INO80: variants seen among roughly 807,000 people sequenced by gnomAD.
INO80 encodes the protein chromatin-remodeling ATPase INO80.
In INO80, 20 loss-of-function variants were observed where a neutral mutation model predicts 203.4. That is an observed-to-expected ratio of 0.10 (90% CI 0.07 to 0.14). INO80 has a LOEUF of 0.14. Ranked by LOEUF, INO80 falls within the 10% of genes least tolerant of loss-of-function variation. The probability of loss-of-function intolerance (pLI) is 1.00; values close to 1 mark genes in which losing one functional copy is unlikely to be tolerated. For synonymous variants in INO80, 726 were observed against 685.2 expected (o/e 1.06, Z -0.93); for missense variants, 1,419 against 1,914.4 (o/e 0.74, Z 4.83).
At chr15:41,058,910 T>G in intron 15 of INO80, 129 bp from the exon 16 acceptor site, 3 of 788,942 alleles carry the variant, frequency 3.8e-6, no homozygotes, top group Non-Finnish European at 6.0e-6. Flanking sequence ...TCCCATATGG[T>G]AGGGAGATGT....
At position 41,072,013 on chromosome 15, in the gene INO80, G is replaced by A. The variant is rs2045326768; in HGVS notation, c.1441C>T (p.Leu481=). Reference sequence around the variant, plus strand: ...GTGCCAGACTTGTTTGCTGCCCGTAGGGCAGCTGCTCGACTTTCTTTTGCA... The same window carrying A: ...GTGCCAGACTTGTTTGCTGCCCGTAAGGCAGCTGCTCGACTTTCTTTTGCA... The part of the protein sequence containing the change: ...EDAKESRAAA[L]RAANKSGTGF... The change falls in exon 12 of 36, where the codon CTA becomes TTA. Residue 481 remains leucine, a synonymous_variant. Transcript: ENST00000648947. 11 of 1,608,814 alleles carry A rather than the reference G, an allele frequency of 6.8e-6. No homozygotes were observed. The highest frequency in any genetic ancestry group is 9.3e-6 in the Non-Finnish European group (11 of 1,178,682).
chr15:40,994,871 AACTGTTCCAGGT>A (rs2043861467), intron 29 of INO80, among the ~76,000 whole-genome samples: 1 of 152,058 alleles, frequency 6.6e-6, no homozygotes, highest in South Asian at 2.1e-4. Context: ...CAAATGAACA[AACTGTTCCAGGT>A]ACTAGAAATA....
intron 20 of INO80, 71 bp downstream of exon 20, chr15:41,049,864 C>T (rs1404847988): frequency 3.6e-6 from 5 of 1,404,106 alleles, no homozygotes; most frequent in Non-Finnish European, 4.9e-6. Flanking sequence ...CCAGCCTGGG[C>T]AACAGAGCAA....
chr15:40,988,100 A>G (rs1473076803), intron 29 of INO80, 126 bp from the exon 30 acceptor site: 2 of 697,900 alleles, frequency 2.9e-6, no homozygotes, highest in Non-Finnish European at 4.8e-6. Context: ...TATGATATTG[A>G]GCTAAGTAAG....
chr15:41,031,696 G>A (rs1383262976), intron 24 of INO80, among the ~76,000 whole-genome samples: 1 of 150,726 alleles, frequency 6.6e-6, no homozygotes, highest in African/African-American at 2.4e-5. Context: ...TTTTCACGTG[G>A]TCACAGCTTT....
Position 41,049,304 on chromosome 15 carries a change from G to A in INO80, c.2559C>T (p.Phe853=), listed in dbSNP as rs772156333. 2 of 1,612,624 alleles carry A rather than the reference G, an allele frequency of 1.2e-6. No homozygotes were observed. The highest frequency in any genetic ancestry group is 1.1e-5 in the South Asian group (1 of 90,828). ...TTCCCTACCTGTCTCGTGAATGATT[G>A]AAGACCCTGATCTGTCCATGACGGT... ...FIYRHGQIRV[F]NHSRDRWLRV... The change falls in exon 21 of 36, where the codon TTC becomes TTT. Residue 853 remains phenylalanine, a synonymous_variant. Coordinates refer to ENST00000648947, the MANE Select transcript of INO80 (RefSeq NM_017553.3).
chr15:41,023,819 A>G (rs2412593), intron 25 of INO80, among the ~76,000 whole-genome samples: 1 of 150,394 alleles, frequency 6.6e-6, no homozygotes, highest in Non-Finnish European at 1.5e-5. Flanking sequence ...AAAAAAAACA[A>G]CAAAAAAACC....
intron 27 of INO80, among the ~76,000 whole-genome samples, chr15:41,007,661 G>A (rs1332793136): frequency 6.6e-6 from 1 of 151,306 alleles, no homozygotes; most frequent in Admixed American, 6.6e-5. Context: ...GGCAACAGAA[G>A]TGAATTATTC....
At chr15:41,056,155 A>C (rs2044981537) in intron 17 of INO80, among the ~76,000 whole-genome samples, 1 of 151,968 alleles carries the variant, frequency 6.6e-6, no homozygotes, top group South Asian at 2.1e-4. Flanking sequence ...CACGTTGCCC[A>C]GGCTGGTCTT....
intron 28 of INO80, among the ~76,000 whole-genome samples, chr15:40,999,059 A>G (rs1427624847): frequency 2.0e-5 from 3 of 151,800 alleles, no homozygotes; most frequent in Non-Finnish European, 4.4e-5. Flanking sequence ...GGCATTAAGA[A>G]ATTAATTAAA....
At chr15:40,981,422 T>G (rs1036085418) in intron 35 of INO80, among the ~76,000 whole-genome samples, 1 of 152,172 alleles carries the variant, frequency 6.6e-6, no homozygotes, top group Non-Finnish European at 1.5e-5. Context: ...AAGGATGTGG[T>G]AAGTTGGCAA....
At chr15:41,046,781 C>A (rs1334618491) in intron 23 of INO80, among the ~76,000 whole-genome samples, 1 of 151,760 alleles carries the variant, frequency 6.6e-6, no homozygotes, top group Non-Finnish European at 1.5e-5. Flanking sequence ...CCACACCCAG[C>A]TAATTTTTGT....
chr15:41,035,965 C>T (rs1381479967), intron 24 of INO80, among the ~76,000 whole-genome samples: 1 of 150,586 alleles, frequency 6.6e-6, no homozygotes, highest in Non-Finnish European at 1.5e-5. Context: ...CCCATCTCTG[C>T]TTTAAAAACA....
In INO80 at chr15:41,005,815, G is replaced by C. The variant is rs575533343; in HGVS notation, c.3403-128C>G. 4.9e-5 allele frequency: 26 copies of C among 530,070 alleles called. No individual in the cohort carries two copies. The African/African-American group carries it at 5.1e-4, about 10-fold the overall frequency. The allele number at this position is 530,070 out of a possible 1,614,324, so 32.8% of individuals were successfully genotyped here. On this transcript the variant is annotated intron_variant, in intron 27 of 35. Coordinates refer to ENST00000648947, the MANE Select transcript of INO80 (RefSeq NM_017553.3). ...AGCCATTATAACCAGAATGGGGAGA[G>C]AGTAACCCCAAGAGTACAAGAAGTT...
intron 12 of INO80, among the ~76,000 whole-genome samples, chr15:41,070,820 G>A (rs983830292): frequency 5.3e-5 from 8 of 152,098 alleles, no homozygotes; most frequent in Non-Finnish European, 1.2e-4. Flanking sequence ...GTCCATATAA[G>A]ACAAACCATA....
intron 1 of INO80, among the ~76,000 whole-genome samples, chr15:41,098,338 C>T (rs2045755764): frequency 6.6e-6 from 1 of 152,072 alleles, no homozygotes; most frequent in Non-Finnish European, 1.5e-5. Flanking sequence ...AAAATTAGCC[C>T]ATGCGAATTA....
intron 21 of INO80, 62 bp downstream of exon 21, chr15:41,049,225 C>T (rs766964578): frequency 1.4e-6 from 2 of 1,394,658 alleles, no homozygotes; most frequent in Admixed American, 4.3e-5. Flanking sequence ...AATTTATCTA[C>T]TAAGCCATAA....
Position 41,048,280 on chromosome 15 carries a change from C to A in INO80, c.2577-4G>T. 3 of 1,608,038 alleles carry A rather than the reference C, an allele frequency of 1.9e-6. No individual in the cohort carries two copies. Among genetic ancestry groups the A allele is most frequent in the Non-Finnish European group, 2.6e-6 (3 of 1,174,924 alleles). On this transcript the variant is annotated splice_polypyrimidine_tract_variant and splice_region_variant and intron_variant, in intron 21 of 35. Coordinates refer to ENST00000648947, the MANE Select transcript of INO80 (RefSeq NM_017553.3). Reference sequence around the variant, plus strand: ...TGGAGAAAGAACCCTTAACCACCTGCAAAGTAAGTAAATAAAATAAAGCCA... The same window carrying A: ...TGGAGAAAGAACCCTTAACCACCTGAAAAGTAAGTAAATAAAATAAAGCCA...
chr15:40,992,494 A>T (rs1031551298), intron 29 of INO80, among the ~76,000 whole-genome samples: 33 of 152,196 alleles, frequency 2.2e-4, no homozygotes, highest in Non-Finnish European at 4.0e-4. Flanking sequence ...ATCATAAGAC[A>T]TTAGGTTTTT....
Sources: gnomAD v4.1 joint callset for allele counts (sites outside exome capture counted in the v4.1 genomes callset) on GRCh38, gnomAD v4.1.1 for gene constraint, MANE v1.5 for transcripts, NCBI Gene and HGNC (gene_info 2026-07-23, HGNC 2026-07-21) for gene names.